The following ATF7 variants were observed in gnomAD, a reference collection of about 807,000 sequenced individuals.
ATF7 encodes activating transcription factor 7, also known as cyclic AMP-dependent transcription factor ATF-7.
Under a neutral mutation model 50.4 loss-of-function variants are expected in ATF7, and 10 were observed. The ratio of observed to expected loss-of-function variants is 0.20; its 90% CI spans 0.12 to 0.34. ATF7 has a LOEUF of 0.34. Ranked by LOEUF, ATF7 falls within the 10% of genes least tolerant of loss-of-function variation. ATF7 has a pLI of 1.00. For synonymous variants in ATF7, 201 were observed against 226.4 expected (o/e 0.89, Z 1.01); for missense variants, 465 against 613.9 (o/e 0.76, Z 2.56).
At chr12:53,539,009 AG>A (rs1391194211) in intron 4 of ATF7, among the ~76,000 whole-genome samples, 5 of 152,176 alleles carry the variant, frequency 3.3e-5, no homozygotes, top group African/African-American at 1.2e-4. Context: ...GAAATCCTCT[AG>A]GGCATCTCCT....
intron 2 of ATF7, among the ~76,000 whole-genome samples, chr12:53,556,819 A>G (rs1249337275): frequency 6.6e-6 from 1 of 152,078 alleles, no homozygotes; most frequent in Non-Finnish European, 1.5e-5. Flanking sequence ...GGTGGGATGG[A>G]CCCCCATAAG....
intron 2 of ATF7, among the ~76,000 whole-genome samples, chr12:53,559,476 C>T (rs1054473732): frequency 6.6e-6 from 1 of 151,916 alleles, no homozygotes; most frequent in African/African-American, 2.4e-5. Context: ...GTCAGGAGAT[C>T]GAGACCAGCC....
rs187367343 is a variant in ATF7, at chr12:53,515,151, T to C, written c.*1986A>G. 22 of 152,342 alleles carry C rather than the reference T, an allele frequency of 1.4e-4. No homozygotes were observed. Among genetic ancestry groups the C allele is most frequent in the African/African-American group, 5.3e-4 (22 of 41,564 alleles). 9.4% of individuals were successfully genotyped at this position (152,342 alleles called of 1,614,324 possible). Reference sequence around the variant, plus strand: ...GGTAGAGGATGAGAAAACCGTGTTTTCTCTCCTTTGTCTTTAGGGGTGTGG... The same window carrying C: ...GGTAGAGGATGAGAAAACCGTGTTTCCTCTCCTTTGTCTTTAGGGGTGTGG... On this transcript the variant is annotated 3_prime_UTR_variant, in exon 12 of 12. Coordinates refer to ENST00000420353, the MANE Select transcript of ATF7 (RefSeq NM_006856.3).
intron 9 of ATF7, among the ~76,000 whole-genome samples, chr12:53,528,200 A>T (rs944233403): frequency 6.6e-6 from 1 of 152,224 alleles, no homozygotes; most frequent in Non-Finnish European, 1.5e-5. Context: ...AAAAATGGAG[A>T]AGAAATTTCC....
At chr12:53,575,407 TAAAAAAA>T (rs554041037) in intron 2 of ATF7, among the ~76,000 whole-genome samples, 1 of 121,790 alleles carries the variant, frequency 8.2e-6, no homozygotes, top group Admixed American at 8.3e-5. Context: ...AACTCTGTCT[TAAAAAAA>T]AAAAAAAAAA....
intron 2 of ATF7, among the ~76,000 whole-genome samples, chr12:53,553,022 T>C (rs76915457): frequency 0.066 from 10,084 of 152,156 alleles, 490 homozygotes; most frequent in East Asian, 0.19. Context: ...TAGTTGGCCA[T>C]CACAAAAATA....
In ATF7 at chr12:53,552,531, C is replaced by A. The variant is rs1273433412; in HGVS notation, c.145+10G>T. On this transcript the variant is annotated intron_variant, in intron 3 of 11. Transcript: ENST00000420353. ...GTATCAAGGCACGTGGCTTTTGGGG[C>A]AGCAAATACCTGCAATGATGACTGA... 1.2e-6 allele frequency: 2 copies of A among 1,610,612 alleles called. No individual in the cohort carries two copies. Among genetic ancestry groups the A allele is most frequent in the Non-Finnish European group, 1.7e-6 (2 of 1,177,028 alleles).
chr12:53,600,333 T>C (rs1455185227), intron 2 of ATF7, among the ~76,000 whole-genome samples: 2 of 152,016 alleles, frequency 1.3e-5, no homozygotes, highest in African/African-American at 2.4e-5. Context: ...AGAGAAAACA[T>C]TTCTTTCTTT....
chr12:53,548,793 G>C (rs1222812507), intron 3 of ATF7, among the ~76,000 whole-genome samples: 2 of 152,094 alleles, frequency 1.3e-5, no homozygotes, highest in Admixed American at 6.5e-5. Context: ...GACCAACTTG[G>C]GGAACAAAGC....
chr12:53,541,985 C>A (rs1159776483), intron 4 of ATF7, among the ~76,000 whole-genome samples: 3 of 151,948 alleles, frequency 2.0e-5, no homozygotes, highest in Non-Finnish European at 4.4e-5. Flanking sequence ...CCACGCCTGG[C>A]TAAGTTTTGT....
At chr12:53,605,885 T>G (rs1325594747) in intron 1 of ATF7, among the ~76,000 whole-genome samples, 1 of 152,206 alleles carries the variant, frequency 6.6e-6, no homozygotes. Context: ...AATAAATATT[T>G]AAAGTCTATA....
chr12:53,534,287 A>C (rs565097057), intron 6 of ATF7, among the ~76,000 whole-genome samples: 20 of 151,894 alleles, frequency 1.3e-4, no homozygotes, highest in South Asian at 4.2e-4. Context: ...AAAAAAACCC[A>C]AAAAAAACAA....
Position 53,600,966 on chromosome 12 carries a change from G to A in ATF7, c.35C>T (p.Pro12Leu), listed in dbSNP as rs201947521. 7.4e-6 allele frequency: 12 copies of A among 1,613,180 alleles called. No homozygotes were observed. The highest frequency in any genetic ancestry group is 5.3e-5 in the African/African-American group (4 of 74,820). The change falls in exon 2 of 12, where the codon CCG (proline) becomes CTG (leucine). Residue 12 changes from proline to leucine, a missense_variant. Physicochemically the swap from Pro to Leu is moderately conservative, Grantham distance 98. Coordinates refer to ENST00000420353, the MANE Select transcript of ATF7 (RefSeq NM_006856.3). ...GDDRPFVCNA[P>L]GCGQRFTNED... Reference sequence around the variant, plus strand: ...TTGTAAACGTACCTGTCCACAGCCCGGGGCATTGCACACAAACGGTCTGTC... The same window carrying A: ...TTGTAAACGTACCTGTCCACAGCCCAGGGCATTGCACACAAACGGTCTGTC...
downstream of ATF7, among the ~76,000 whole-genome samples, chr12:53,508,421 G>C (rs537492971): frequency 1.3e-5 from 2 of 151,090 alleles, no homozygotes; most frequent in African/African-American, 4.9e-5. Context: ...TTAGCTGGGC[G>C]TGGTGGTAGG....
intron 2 of ATF7, among the ~76,000 whole-genome samples, chr12:53,557,880 T>A (rs2137541816): frequency 6.6e-6 from 1 of 152,384 alleles, no homozygotes; most frequent in South Asian, 2.1e-4. Flanking sequence ...ATAATTTTTA[T>A]GTTGATTACA....
At chr12:53,599,959 AG>A (rs1479618608) in intron 2 of ATF7, among the ~76,000 whole-genome samples, 1 of 152,176 alleles carries the variant, frequency 6.6e-6, no homozygotes, top group Non-Finnish European at 1.5e-5. Flanking sequence ...TGAAAAAAAA[AG>A]GCGATTTCAA....
intron 2 of ATF7, among the ~76,000 whole-genome samples, chr12:53,559,750 A>T (rs3847781): frequency 0.48 from 71,767 of 150,532 alleles, 17,272 homozygotes; most frequent in East Asian, 0.74. Context: ...AATTTGCATA[A>T]ACCTGTGTAA....
In ATF7 at chr12:53,601,052, T is replaced by C. The variant is rs138237887; in HGVS notation, c.-21-31A>G. ...GAGGGGGAGGTGAGGGAAAAAGTTA[T>C]GTTAAATATGCTGGAGCAAAAAAAA... On this transcript the variant is annotated intron_variant, in intron 1 of 11. Coordinates refer to ENST00000420353, the MANE Select transcript of ATF7 (RefSeq NM_006856.3). 3,842 of 1,517,786 alleles carry C rather than the reference T, an allele frequency of 2.5e-3. 82 individuals carry two copies. In the South Asian group the frequency reaches 0.034, roughly 13 times the overall value. The allele number at this position is 1,517,786 out of a possible 1,614,324, so 94.0% of individuals were successfully genotyped here.
intron 2 of ATF7, among the ~76,000 whole-genome samples, chr12:53,560,509 G>A (rs1259653517): frequency 2.6e-5 from 4 of 152,168 alleles, no homozygotes; most frequent in African/African-American, 9.7e-5. Context: ...ACAGTTTCAA[G>A]CTAACTCCTT....
Sources: allele counts gnomAD v4.1 joint callset (sites outside exome capture counted in the v4.1 genomes callset), GRCh38; gene constraint gnomAD v4.1.1; transcripts MANE v1.5; gene names NCBI Gene and HGNC (gene_info 2026-07-23, HGNC 2026-07-21).